The following LAMA2 variants were observed in gnomAD, a reference collection of about 807,000 sequenced individuals.
The protein encoded by LAMA2 is laminin subunit alpha 2, also known as laminin subunit alpha-2.
Under a neutral mutation model 364.8 loss-of-function variants are expected in LAMA2, and 269 were observed. The observed-to-expected ratio is 0.74, with a 90% confidence interval of 0.67 to 0.82. LAMA2 has a LOEUF of 0.82. LAMA2 is among the 40% of genes least tolerant of loss of function. The pLI is 0.00. For synonymous variants in LAMA2, 1,379 were observed against 1,370.6 expected, an observed-to-expected ratio of 1.01 and a Z score of -0.14; for missense variants, 3,807 against 3,873.2, an observed-to-expected ratio of 0.98 and a Z score of 0.45.
At chr6:129,358,718 T>C (rs1167695077) in intron 32 of LAMA2, among the ~76,000 whole-genome samples, 2 of 152,058 alleles carry the variant, frequency 1.3e-5, no homozygotes, top group East Asian at 3.8e-4. Context: ...GTATGTGAAG[T>C]ATCTAAGCAT....
At chr6:129,227,676 C>T (rs986392554) in intron 12 of LAMA2, among the ~76,000 whole-genome samples, 4 of 152,132 alleles carry the variant, frequency 2.6e-5, no homozygotes, top group Admixed American at 6.5e-5. Context: ...GCCGCCTGAT[C>T]GTTCCTCTGG....
At chr6:129,143,050 T>C (rs2114957371) in intron 4 of LAMA2, among the ~76,000 whole-genome samples, 1 of 152,150 alleles carries the variant, frequency 6.6e-6, no homozygotes, top group South Asian at 2.1e-4. Flanking sequence ...CACAGTTTAT[T>C]CTTCATCAGA....
chr6:128,970,271 G>A (rs186616619), intron 1 of LAMA2, among the ~76,000 whole-genome samples: 10 of 152,078 alleles, frequency 6.6e-5, no homozygotes, highest in Non-Finnish European at 1.2e-4. Flanking sequence ...CTTTTATTAC[G>A]TGACAAGGTT....
At chr6:129,041,665 G>C (rs934680127) in intron 1 of LAMA2, among the ~76,000 whole-genome samples, 3 of 152,082 alleles carry the variant, frequency 2.0e-5, no homozygotes, top group African/African-American at 7.2e-5. Flanking sequence ...CACTTGGTAA[G>C]GTTGAAAGAA....
At chr6:129,136,031 A>G (rs76224468) in intron 4 of LAMA2, among the ~76,000 whole-genome samples, 1 of 149,856 alleles carries the variant, frequency 6.7e-6, no homozygotes, top group Middle Eastern at 3.5e-3. Context: ...CCTTTCAGAG[A>G]AAAAAAAAAG....
At chr6:129,034,681 GTGTATC>G (rs1786488758) in intron 1 of LAMA2, among the ~76,000 whole-genome samples, 1 of 151,912 alleles carries the variant, frequency 6.6e-6, no homozygotes, top group Non-Finnish European at 1.5e-5. Flanking sequence ...TTGTTTCCAT[GTGTATC>G]CATTGTTTAG....
chr6:128,915,633 A>G (rs1022250679), intron 1 of LAMA2, among the ~76,000 whole-genome samples: 14 of 152,218 alleles, frequency 9.2e-5, no homozygotes, highest in African/African-American at 2.9e-4. Flanking sequence ...GTTTCTCTGC[A>G]GGTAAACTTG....
chr6:129,510,963 C>T (rs1786523740), intron 62 of LAMA2, among the ~76,000 whole-genome samples: 1 of 152,168 alleles, frequency 6.6e-6, no homozygotes, highest in Admixed American at 6.6e-5. Context: ...TGCAAATTCA[C>T]AGATGGCTGG....
At chr6:129,213,913 TAA>T (rs2115078050) in intron 12 of LAMA2, among the ~76,000 whole-genome samples, 1 of 152,282 alleles carries the variant, frequency 6.6e-6, no homozygotes, top group Non-Finnish European at 1.5e-5. Flanking sequence ...GTGTTATATA[TAA>T]AGAGTTACTG....
chr6:129,418,700 C>T (rs755374665), intron 40 of LAMA2, among the ~76,000 whole-genome samples: 3 of 152,016 alleles, frequency 2.0e-5, no homozygotes, highest in Non-Finnish European at 4.4e-5. Flanking sequence ...ATTAGATGAT[C>T]TGGCTCCAAA....
At chr6:129,301,210 C>A (rs552019250) in intron 22 of LAMA2, among the ~76,000 whole-genome samples, 1 of 152,120 alleles carries the variant, frequency 6.6e-6, no homozygotes, top group East Asian at 1.9e-4. Flanking sequence ...ATTAATTTTC[C>A]AAAAATCTAT....
chr6:129,238,732 G>C (rs768334178), intron 12 of LAMA2, among the ~76,000 whole-genome samples: 1 of 152,064 alleles, frequency 6.6e-6, no homozygotes, highest in Non-Finnish European at 1.5e-5. Flanking sequence ...AGCCACGATT[G>C]CTCCATCTAT....
intron 29 of LAMA2, among the ~76,000 whole-genome samples, chr6:129,334,032 C>A (rs563017411): frequency 1.3e-5 from 2 of 152,244 alleles, no homozygotes; most frequent in South Asian, 4.1e-4. Context: ...TATTTTCTTT[C>A]ATGGAACTCA....
At chr6:129,256,622 C>A (rs894238627) in intron 14 of LAMA2, among the ~76,000 whole-genome samples, 1 of 151,658 alleles carries the variant, frequency 6.6e-6, no homozygotes, top group African/African-American at 2.4e-5. Flanking sequence ...GCAATGAATT[C>A]TTGTGTTAGC....
chr6:129,353,410 CT>C, intron 32 of LAMA2, 53 bp downstream of exon 32: 1 of 1,437,166 alleles, frequency 7.0e-7, no homozygotes. Flanking sequence ...CCAGTTCTGT[CT>C]CATTTCCAAT....
intron 12 of LAMA2, among the ~76,000 whole-genome samples, chr6:129,239,814 C>T (rs907171486): frequency 1.3e-5 from 2 of 152,164 alleles, no homozygotes; most frequent in Non-Finnish European, 1.5e-5. Context: ...CTGCATCTAG[C>T]TCCAGATTTT....
chr6:129,012,527 G>A (rs759011743), intron 1 of LAMA2, among the ~76,000 whole-genome samples: 2 of 151,754 alleles, frequency 1.3e-5, no homozygotes, highest in African/African-American at 2.4e-5. Flanking sequence ...TTTGTTTTTG[G>A]CATAATTCCT....
chr6:129,271,313 A>C (rs1186919800), intron 17 of LAMA2, among the ~76,000 whole-genome samples: 1 of 152,032 alleles, frequency 6.6e-6, no homozygotes, highest in Non-Finnish European at 1.5e-5. Flanking sequence ...AAACAACAAC[A>C]AGAAAGAACA....
intron 21 of LAMA2, among the ~76,000 whole-genome samples, chr6:129,298,265 C>T (rs12206487): frequency 0.12 from 17,175 of 147,288 alleles, 1,369 homozygotes; most frequent in East Asian, 0.41. Context: ...AATTGGTATC[C>T]GGATCAAGAA....
Sources: gnomAD v4.1 joint callset for allele counts (sites outside exome capture counted in the v4.1 genomes callset) on GRCh38, gnomAD v4.1.1 for gene constraint, MANE v1.5 for transcripts, NCBI Gene and HGNC (gene_info 2026-07-23, HGNC 2026-07-21) for gene names.